Variants in ABCB1 observed in about 807,000 individuals in gnomAD.
ABCB1 encodes ATP-dependent translocase ABCB1.
Under a neutral mutation model 142.0 loss-of-function variants are expected in ABCB1, and 69 were observed. The ratio of observed to expected loss-of-function variants is 0.49; its 90% CI spans 0.40 to 0.59. The LOEUF (loss-of-function observed/expected upper bound fraction) is 0.59, where lower values mean the gene tolerates loss of function less well. Ranked by LOEUF, ABCB1 falls within the 20% of genes least tolerant of loss-of-function variation. The pLI is 0.00. For missense variants in ABCB1, 1,326 were observed against 1,554.7 expected, an observed-to-expected ratio of 0.85 and a Z score of 2.47; for synonymous variants, 532 against 539.2, an observed-to-expected ratio of 0.99 and a Z score of 0.18.
chr7:87,517,982 T>C (rs764375072), intron 23 of ABCB1, among the ~76,000 whole-genome samples: 1 of 152,230 alleles, frequency 6.6e-6, no homozygotes, highest in Non-Finnish European at 1.5e-5. Context: ...TCTTGAAATA[T>C]TGCTAAAAAC....
chr7:87,630,399 T>C (rs1435127628), intron 1 of ABCB1, among the ~76,000 whole-genome samples: 22 of 152,246 alleles, frequency 1.4e-4, no homozygotes, highest in Admixed American at 1.4e-3. Context: ...GGTAAAGTAA[T>C]ATGGTATCCG....
At chr7:87,531,241 G>T in intron 21 of ABCB1, 53 bp downstream of exon 21, 2 of 1,468,186 alleles carry the variant, frequency 1.4e-6, no homozygotes, top group South Asian at 1.1e-5. Context: ...AAATAACACT[G>T]ATTAGAATAC....
chr7:87,521,882 G>A, intron 21 of ABCB1: 1 of 771,934 alleles, frequency 1.3e-6, no homozygotes. Flanking sequence ...ACTGACCAAG[G>A]CAGTGATAAG....
Position 87,626,199 on chromosome 7 carries a change from TGTCATATATATGTGTCATATATA to T in ABCB1, c.-330-25144_-330-25122del, listed in dbSNP as rs1584932231. On this transcript the variant is annotated intron_variant, in intron 1 of 28. Transcript: ENST00000265724. ...TTGTCATATATATGTGTCATATATA[TGTCATATATATGTGTCATATATA>T]TGTCATATATATGTGTCATATATAT... Among the ~76,000 whole-genome samples the T allele has an allele frequency of 4.9e-4, 7 of 14,318 alleles. 1 individual carries two copies. The highest frequency in any genetic ancestry group is 2.5e-3 in the South Asian group (1 of 398). 9.4% of individuals were successfully genotyped at this position (14,318 alleles called of 152,430 possible).
At chr7:87,522,269 T>C in intron 21 of ABCB1, 1 of 893,538 alleles carries the variant, frequency 1.1e-6, no homozygotes. Context: ...AGTTTTACAT[T>C]TTGGACCCAT....
chr7:87,534,897 A>C (rs539564982), intron 20 of ABCB1, among the ~76,000 whole-genome samples: 1 of 148,148 alleles, frequency 6.8e-6, no homozygotes, highest in African/African-American at 2.5e-5. Flanking sequence ...CCTGGGCTAC[A>C]AAGAGAGACC....
intron 1 of ABCB1, among the ~76,000 whole-genome samples, chr7:87,650,665 A>G (rs945182066): frequency 1.3e-5 from 2 of 152,162 alleles, no homozygotes; most frequent in Non-Finnish European, 2.9e-5. Context: ...AAAAATTTCC[A>G]TTTACAGAGT....
At chr7:87,632,334 A>G (rs1563088098) in intron 1 of ABCB1, among the ~76,000 whole-genome samples, 1 of 152,230 alleles carries the variant, frequency 6.6e-6, no homozygotes, top group Non-Finnish European at 1.5e-5. Context: ...AGATAATCAG[A>G]TAAAGAGCTG....
At chr7:87,554,830 A>G (rs1268097018) in intron 8 of ABCB1, among the ~76,000 whole-genome samples, 4 of 152,216 alleles carry the variant, frequency 2.6e-5, no homozygotes, top group Non-Finnish European at 4.4e-5. Flanking sequence ...CATAGCACAA[A>G]GGCCTACCCT....
chr7:87,662,003 A>G (rs891591273), intron 1 of ABCB1, among the ~76,000 whole-genome samples: 2 of 152,042 alleles, frequency 1.3e-5, no homozygotes, highest in African/African-American at 2.4e-5. Context: ...CTGATGATCA[A>G]TGATGTTGAG....
chr7:87,594,698 G>A (rs1310421271), intron 3 of ABCB1, among the ~76,000 whole-genome samples: 3 of 152,092 alleles, frequency 2.0e-5, no homozygotes, highest in Admixed American at 6.5e-5. Flanking sequence ...TCCAAAGGGC[G>A]TAGAGATAGA....
chr7:87,699,351 T>G (rs1044187899), intron 1 of ABCB1, among the ~76,000 whole-genome samples: 2 of 152,210 alleles, frequency 1.3e-5, no homozygotes, highest in Admixed American at 1.3e-4. Flanking sequence ...CATATTCCAC[T>G]TAAAAATACT....
intron 1 of ABCB1, among the ~76,000 whole-genome samples, chr7:87,642,413 A>G (rs1353306018): frequency 2.0e-5 from 3 of 152,038 alleles, no homozygotes; most frequent in Non-Finnish European, 4.4e-5. Flanking sequence ...TTCTATTTGA[A>G]TATTTTCATT....
chr7:87,543,953 G>A (rs750844065), intron 17 of ABCB1, among the ~76,000 whole-genome samples, 176 bp downstream of exon 17: 1 of 152,192 alleles, frequency 6.6e-6, no homozygotes, highest in Non-Finnish European at 1.5e-5. Flanking sequence ...GGTTCACAAA[G>A]TTAGCTCTCC....
intron 1 of ABCB1, among the ~76,000 whole-genome samples, chr7:87,640,086 C>T (rs1822268618): frequency 6.7e-6 from 1 of 149,590 alleles, no homozygotes; most frequent in African/African-American, 2.4e-5. Context: ...TGGCAGTTAC[C>T]TTTGGTTTAT....
chr7:87,617,266 C>T (rs979914048), intron 1 of ABCB1, among the ~76,000 whole-genome samples: 1 of 152,092 alleles, frequency 6.6e-6, no homozygotes, highest in Non-Finnish European at 1.5e-5. Flanking sequence ...TGTCAGTTGT[C>T]CAAAAAATTC....
At chr7:87,622,229 A>G (rs756364903) in intron 1 of ABCB1, among the ~76,000 whole-genome samples, 1 of 152,170 alleles carries the variant, frequency 6.6e-6, no homozygotes, top group Non-Finnish European at 1.5e-5. Flanking sequence ...ATAAACAAAT[A>G]TGATCATGAG....
At chr7:87,590,259 A>G (rs1818943883) in intron 3 of ABCB1, among the ~76,000 whole-genome samples, 1 of 152,246 alleles carries the variant, frequency 6.6e-6, no homozygotes, top group African/African-American at 2.4e-5. Context: ...GAATAGATGT[A>G]TTCAACATTC....
intron 1 of ABCB1, among the ~76,000 whole-genome samples, chr7:87,645,659 A>G (rs1212701559): frequency 2.6e-5 from 4 of 152,196 alleles, no homozygotes; most frequent in African/African-American, 4.8e-5. Flanking sequence ...TTATCAGGAA[A>G]TAGCTCAGCA....
Sources: gnomAD v4.1 joint callset for allele counts (sites outside exome capture counted in the v4.1 genomes callset) on GRCh38, gnomAD v4.1.1 for gene constraint, MANE v1.5 for transcripts, NCBI Gene and HGNC (gene_info 2026-07-23, HGNC 2026-07-21) for gene names.